Variants in LRRIQ4 observed in about 807,000 individuals in gnomAD.
The protein encoded by LRRIQ4 is leucine-rich repeat and IQ domain-containing protein 4.
A neutral mutation model predicts 40.1 loss-of-function variants in LRRIQ4; 21 were observed. The observed-to-expected ratio is 0.52, with a 90% CI of 0.37 to 0.75. The LOEUF (loss-of-function observed/expected upper bound fraction) is 0.75, where lower values mean the gene tolerates loss of function less well. Ranked by LOEUF, LRRIQ4 falls within the 30% of genes least tolerant of loss-of-function variation. The pLI is 0.00. For synonymous variants in LRRIQ4, 277 were observed against 277.1 expected (o/e 1.00, Z 0.00); for missense variants, 655 against 660.0 (o/e 0.99, Z 0.08).
chr3:169,837,016 G>A (rs567986459), intron 5 of LRRIQ4, among the ~76,000 whole-genome samples: 77 of 152,268 alleles, frequency 5.1e-4, no homozygotes, highest in African/African-American at 1.7e-3. Flanking sequence ...GTAGGTAGGA[G>A]GGAATAGGAT....
At position 169,822,576 on chromosome 3, in the gene LRRIQ4, G is replaced by T; in HGVS notation, c.655G>T (p.Ala219Ser). 1 of 1,614,008 alleles carries T rather than the reference G, an allele frequency of 6.2e-7. No homozygotes were observed. Among genetic ancestry groups the T allele is most frequent in the Non-Finnish European group, 8.5e-7 (1 of 1,179,894 alleles). Residue 219 changes from alanine (A) to serine (S), a missense_variant, in exon 2 of 6, where the codon GCT becomes TCT. Coordinates refer to ENST00000340806, the MANE Select transcript of LRRIQ4 (RefSeq NM_001080460.3). ...HLTGLQKFYM[A>S]SNNLPVLPAS... ...GACGGGGCTGCAGAAGTTCTATATG[G>T]CTTCTAACAACCTTCCCGTTCTGCC...
At chr3:169,815,289 TTG>T (rs973921941) in intron 1 of LRRIQ4, among the ~76,000 whole-genome samples, 65 of 152,274 alleles carry the variant, frequency 4.3e-4, no homozygotes, top group African/African-American at 1.5e-3. Context: ...TTTCCTTTTT[TTG>T]TGTGTGTGTC....
chr3:169,825,812 CT>C (rs1293668435), intron 2 of LRRIQ4, among the ~76,000 whole-genome samples: 2 of 152,138 alleles, frequency 1.3e-5, no homozygotes, highest in Non-Finnish European at 2.9e-5. Flanking sequence ...TGTACCAGTG[CT>C]TTTTCCTCTT....
intron 1 of LRRIQ4, among the ~76,000 whole-genome samples, chr3:169,815,753 A>G (rs942423273): frequency 6.6e-6 from 1 of 152,336 alleles, no homozygotes; most frequent in Admixed American, 6.5e-5. Flanking sequence ...TTTCCTATTC[A>G]GTATGATACT....
chr3:169,815,173 A>T (rs1292496044), intron 1 of LRRIQ4, among the ~76,000 whole-genome samples: 1 of 152,188 alleles, frequency 6.6e-6, no homozygotes, highest in Non-Finnish European at 1.5e-5. Flanking sequence ...TCTGTGAAGA[A>T]GGTCTTTGGT....
At chr3:169,828,617 A>G (rs1780094574) in intron 2 of LRRIQ4, 142 bp from the exon 3 acceptor site, 2 of 650,416 alleles carry the variant, frequency 3.1e-6, no homozygotes, top group Non-Finnish European at 5.3e-6. Context: ...TGTAATGCAG[A>G]TATGTGCACA....
At chr3:169,830,354 T>C in intron 3 of LRRIQ4, 138 bp from the exon 4 acceptor site, 1 of 538,694 alleles carries the variant, frequency 1.9e-6, no homozygotes, top group Non-Finnish European at 2.8e-6. Context: ...CTTAACTCAA[T>C]GCGTAATTTC....
chr3:169,823,340 CT>C (rs570781467), intron 2 of LRRIQ4, among the ~76,000 whole-genome samples: 7,061 of 141,458 alleles, frequency 0.05, 245 homozygotes, highest in East Asian at 0.13. Flanking sequence ...GGTCTACATT[CT>C]TTTTTTTTTT....
At position 169,832,911 on chromosome 3, in the gene LRRIQ4, A is replaced by G. The variant is rs371173063; in HGVS notation, c.1334-76A>G. The G allele has an allele frequency of 3.7e-5, 48 of 1,314,068 alleles. No individual in the cohort carries two copies. In the African/African-American group the frequency reaches 5.7e-4, roughly 16 times the overall value. 81.4% of individuals were successfully genotyped at this position (1,314,068 alleles called of 1,614,324 possible). On this transcript the variant is annotated intron_variant, in intron 4 of 5. Coordinates refer to ENST00000340806, the MANE Select transcript of LRRIQ4 (RefSeq NM_001080460.3). ...AAATGCAGAATTGGATCCCTCACCT[A>G]TGTGGACAGGATTAGGTGACAAGTT...
At position 169,822,108 on chromosome 3, in the gene LRRIQ4, A is replaced by G; in HGVS notation, c.187A>G (p.Ile63Val). 1 of 1,611,114 alleles carries G rather than the reference A, an allele frequency of 6.2e-7. No homozygotes were observed. The change falls in exon 2 of 6, where the codon ATT (isoleucine) becomes GTT (valine). Residue 63 changes from isoleucine (I) to valine (V), a missense_variant. Coordinates refer to ENST00000340806, the MANE Select transcript of LRRIQ4 (RefSeq NM_001080460.3). ...VHLENNQIEE[I>V]PQEIQRLKNI... is the part of the protein sequence containing the mutation. ...TTTGGAGAATAACCAGATTGAAGAA[A>G]TTCCCCAGGAGATTCAGCGTTTAAA...
chr3:169,833,282 T>C (rs1780227996), intron 5 of LRRIQ4, 99 bp downstream of exon 5: 1 of 976,478 alleles, frequency 1.0e-6, no homozygotes, highest in Non-Finnish European at 1.5e-6. Flanking sequence ...TACACCCTTG[T>C]CCTGCTTCTG....
chr3:169,834,120 G>C (rs1035236305), intron 5 of LRRIQ4, among the ~76,000 whole-genome samples: 8 of 152,164 alleles, frequency 5.3e-5, no homozygotes, highest in Non-Finnish European at 1.2e-4. Flanking sequence ...CCAGCACTTT[G>C]GGAGGCTGAG....
intron 1 of LRRIQ4, among the ~76,000 whole-genome samples, chr3:169,820,897 A>G (rs1005215238): frequency 4.6e-5 from 7 of 152,244 alleles, no homozygotes; most frequent in African/African-American, 1.7e-4. Flanking sequence ...CTAATGGGAA[A>G]AACTAGTTAG....
chr3:169,836,892 T>C (rs533250603), intron 5 of LRRIQ4, among the ~76,000 whole-genome samples: 26 of 152,120 alleles, frequency 1.7e-4, no homozygotes, highest in African/African-American at 4.3e-4. Context: ...GGGGTCAGGA[T>C]TGGGGAGGCA....
intron 3 of LRRIQ4, among the ~76,000 whole-genome samples, chr3:169,829,359 GA>G (rs1255863765): frequency 6.6e-6 from 1 of 152,160 alleles, no homozygotes; most frequent in Non-Finnish European, 1.5e-5. Flanking sequence ...TCCCTGATTG[GA>G]AAAGGGAAAT....
chr3:169,814,675 G>A (rs147539416), intron 1 of LRRIQ4, among the ~76,000 whole-genome samples: 2,376 of 152,202 alleles, frequency 0.016, 68 homozygotes, highest in African/African-American at 0.054. Flanking sequence ...AGTAGAGACA[G>A]GGTTTCACCA....
Position 169,821,988 on chromosome 3 carries a change from G to T in LRRIQ4, c.67G>T (p.Val23Phe), listed in dbSNP as rs369898072. Reference sequence around the variant, plus strand: ...TCATCAGAGAAATGATCCACAGCACGTCAATGATAGAACATTTTTCATTGA... The same window carrying T: ...TCATCAGAGAAATGATCCACAGCACTTCAATGATAGAACATTTTTCATTGA... ...KIHQRNDPQH[V>F]NDRTFFIDAS... Residue 23 changes from valine (V) to phenylalanine (F), a missense_variant, in exon 2 of 6, where the codon GTC becomes TTC. Val to Phe is a conservative substitution (Grantham distance 50). Transcript: ENST00000340806. The T allele has an allele frequency of 1.9e-6, 3 of 1,553,900 alleles. No homozygotes were observed. The highest frequency in any genetic ancestry group is 2.8e-5 in the African/African-American group (2 of 72,678).
intron 2 of LRRIQ4, among the ~76,000 whole-genome samples, chr3:169,825,061 A>G (rs1780010829): frequency 6.8e-6 from 1 of 147,766 alleles, no homozygotes; most frequent in Non-Finnish European, 1.5e-5. Flanking sequence ...AGGCTGGAGT[A>G]CAATGGCGCC....
Position 169,837,476 on chromosome 3 carries a change from C to G in LRRIQ4, c.1531-3C>G, listed in dbSNP as rs1780333812. ...GCTGAATTTGGGTTTATCTTGTTTTCAGATTCAGGCATGGTGGCGTGGAAC... is the reference window on the plus strand; with the variant it reads ...GCTGAATTTGGGTTTATCTTGTTTTGAGATTCAGGCATGGTGGCGTGGAAC... On this transcript the variant is annotated splice_polypyrimidine_tract_variant and splice_region_variant and intron_variant, in intron 5 of 5. Coordinates refer to ENST00000340806, the MANE Select transcript of LRRIQ4 (RefSeq NM_001080460.3). 1 of 1,600,076 alleles carries G rather than the reference C, an allele frequency of 6.2e-7. No individual in the cohort carries two copies.
Sources: allele counts gnomAD v4.1 joint callset (sites outside exome capture counted in the v4.1 genomes callset), GRCh38; gene constraint gnomAD v4.1.1; transcripts MANE v1.5; gene names NCBI Gene and HGNC (gene_info 2026-07-23, HGNC 2026-07-21).